RORA: variants seen among roughly 807,000 people sequenced by gnomAD.
RORA encodes the protein RAR related orphan receptor A, also known as nuclear receptor ROR-alpha.
RORA carries 7 observed loss-of-function variants against 69.5 expected under a neutral mutation model. The observed-to-expected ratio is 0.10, with a 90% confidence interval of 0.06 to 0.19. The LOEUF (loss-of-function observed/expected upper bound fraction) is 0.19. Ranked by LOEUF, RORA falls within the 10% of genes least tolerant of loss-of-function variation. The pLI is 1.00. For synonymous variants in RORA, 261 were observed against 240.8 expected (o/e 1.08, Z -0.78); for missense variants, 457 against 663.0 (o/e 0.69, Z 3.41).
At chr15:60,571,817 G>T (rs1429451665) in intron 2 of RORA, among the ~76,000 whole-genome samples, 1 of 152,102 alleles carries the variant, frequency 6.6e-6, no homozygotes, top group Non-Finnish European at 1.5e-5. Flanking sequence ...TTTCTTTCCT[G>T]CTGGGAAGTT....
intron 1 of RORA, among the ~76,000 whole-genome samples, chr15:60,739,475 T>G (rs1281137208): frequency 6.6e-6 from 1 of 151,648 alleles, no homozygotes; most frequent in Non-Finnish European, 1.5e-5. Flanking sequence ...AGGGGCTGAG[T>G]AGGGAAGATC....
chr15:61,075,143 G>C (rs1391237392), intron 1 of RORA, among the ~76,000 whole-genome samples: 1 of 151,878 alleles, frequency 6.6e-6, no homozygotes, highest in Non-Finnish European at 1.5e-5. Context: ...ATTCAGCATG[G>C]ACTACTACTA....
At chr15:60,716,978 G>A (rs2071229216) in intron 1 of RORA, among the ~76,000 whole-genome samples, 1 of 152,118 alleles carries the variant, frequency 6.6e-6, no homozygotes, top group South Asian at 2.1e-4. Flanking sequence ...CAAATTAATT[G>A]AACCCAAAGA....
chr15:60,531,944 T>C lies in RORA; in HGVS notation c.197-93A>G. On this transcript the variant is annotated intron_variant, in intron 2 of 10. Transcript: ENST00000335670. This position sits in a 1 kb window ranked among gnomAD's most constrained non-coding sequence, Gnocchi z 4.8. ...TCAGCATTTGTATAGTGAAAACTAA[T>C]AACCTGCTAAACATTATACTGCATT... 7 of 697,680 alleles carry C rather than the reference T, an allele frequency of 1.0e-5. No individual in the cohort carries two copies. Among genetic ancestry groups the C allele is most frequent in the East Asian group, 2.9e-5 (1 of 34,490 alleles). 43.2% of individuals were successfully genotyped at this position (697,680 alleles called of 1,614,324 possible). A position where few individuals can be genotyped will look rare whatever the true frequency, so the allele number is the denominator to read the frequency against.
At chr15:61,191,246 A>G (rs929988887) in intron 1 of RORA, among the ~76,000 whole-genome samples, 1 of 152,138 alleles carries the variant, frequency 6.6e-6, no homozygotes, top group Non-Finnish European at 1.5e-5. Context: ...AACACTACAC[A>G]TGAAGCCTCT....
intron 1 of RORA, among the ~76,000 whole-genome samples, chr15:60,969,117 T>C (rs950817178): frequency 6.6e-6 from 1 of 152,222 alleles, no homozygotes; most frequent in African/African-American, 2.4e-5. Context: ...AAGTGGCCCA[T>C]GGTTTCTGTG....
At chr15:60,766,829 C>T (rs868101610) in intron 1 of RORA, among the ~76,000 whole-genome samples, 1 of 152,022 alleles carries the variant, frequency 6.6e-6, no homozygotes, top group East Asian at 1.9e-4. Context: ...TTTTCCTCGC[C>T]CCTGGTGTCG....
chr15:60,807,420 C>A (rs901811999), intron 1 of RORA, among the ~76,000 whole-genome samples: 3 of 152,110 alleles, frequency 2.0e-5, no homozygotes, highest in Non-Finnish European at 4.4e-5. Context: ...TGAAAGAAAT[C>A]ATAGATGACA....
chr15:61,002,975 CAAAAAAA>C (rs59966691), intron 1 of RORA, among the ~76,000 whole-genome samples: 12 of 117,004 alleles, frequency 1.0e-4, no homozygotes, highest in Admixed American at 4.7e-4. Context: ...ACTAAAAATA[CAAAAAAA>C]AAAAAAAAAA....
rs1289473217 is a variant in RORA, at chr15:61,094,578, A to G, written c.166+134475T>C. On this transcript the variant is annotated intron_variant, in intron 1 of 10. Transcript: ENST00000335670. The stretch of plus-strand genomic sequence containing the variant: ...CTCAAACAAGATGTGGTAAGGTCCA[A>G]AAAATGCACCCAGCATGTCTTATGC... 2.6e-5 allele frequency among the ~76,000 whole-genome samples: 4 copies of G among 152,236 alleles called. No homozygotes were observed. The South Asian group carries it at 8.3e-4, about 32-fold the overall frequency.
In RORA at chr15:60,511,758, C is replaced by A; in HGVS notation, c.425-137G>T. 1.1e-6 allele frequency: 1 copy of A among 941,876 alleles called. No individual in the cohort carries two copies. The highest frequency in any genetic ancestry group is 1.5e-6 in the Non-Finnish European group (1 of 647,132). 58.3% of individuals were successfully genotyped at this position (941,876 alleles called of 1,614,324 possible). A position where few individuals can be genotyped will look rare whatever the true frequency, so the allele number is the denominator to read the frequency against. On this transcript the variant is annotated intron_variant, in intron 4 of 10. Coordinates refer to ENST00000335670, the MANE Select transcript of RORA (RefSeq NM_134261.3). This position sits in a 1 kb window ranked among gnomAD's most constrained non-coding sequence, Gnocchi z 6.4. ...CATGACCACAAAATAAGGACATATT[C>A]AGAGGTGAAAACAGTTCCAACCCAC...
chr15:60,623,672 C>T (rs533368023), intron 2 of RORA, among the ~76,000 whole-genome samples: 10 of 152,150 alleles, frequency 6.6e-5, no homozygotes, highest in African/African-American at 1.9e-4. Context: ...CTCTGGTTAC[C>T]GCTTTATGTG....
intron 3 of RORA, chr15:60,530,596 A>T (rs960848802): frequency 2.0e-5 from 3 of 152,246 alleles, no homozygotes; most frequent in Middle Eastern, 3.1e-3. Context: ...AAGCATCTGT[A>T]CATGTACAAA....
intron 1 of RORA, among the ~76,000 whole-genome samples, chr15:61,082,434 A>T (rs574249502): frequency 2.9e-4 from 44 of 152,358 alleles, no homozygotes; most frequent in African/African-American, 1.0e-3. Context: ...GATTGCAGTG[A>T]GCTGAGATCA....
intron 2 of RORA, among the ~76,000 whole-genome samples, chr15:60,648,176 T>A (rs937653026): frequency 6.6e-6 from 1 of 152,234 alleles, no homozygotes; most frequent in Non-Finnish European, 1.5e-5. Context: ...CCAAATATGA[T>A]CCTGAAGAAG....
rs2079356886 is a variant in RORA at position 61,147,105 on chromosome 15, T to G, written c.166+81948A>C. 6.6e-6 allele frequency among the ~76,000 whole-genome samples: 1 copy of G among 152,132 alleles called. No homozygotes were observed. Among genetic ancestry groups the G allele is most frequent in the African/African-American group, 2.4e-5 (1 of 41,410 alleles). ...GCACCAAGCGGGCCAGACATCACAA[T>G]AGGTTAGATTTTGGCAGATGCCTCA... On this transcript the variant is annotated intron_variant, in intron 1 of 10. Coordinates refer to ENST00000335670, the MANE Select transcript of RORA (RefSeq NM_134261.3). The surrounding 1 kb of genome is among the most constrained non-coding windows in gnomAD (Gnocchi z 4.1).
chr15:60,882,890 G>A (rs191709813), intron 1 of RORA, among the ~76,000 whole-genome samples: 11 of 152,152 alleles, frequency 7.2e-5, no homozygotes, highest in African/African-American at 2.4e-4. Flanking sequence ...TAGGGAGGCC[G>A]AAGTGGGAGA....
intron 1 of RORA, among the ~76,000 whole-genome samples, chr15:61,065,183 A>G (rs1220311570): frequency 6.6e-6 from 1 of 152,192 alleles, no homozygotes; most frequent in East Asian, 1.9e-4. Flanking sequence ...TAATAACATG[A>G]CATGCCCACA....
chr15:60,772,139 T>C (rs891352432), intron 1 of RORA, among the ~76,000 whole-genome samples: 1 of 152,178 alleles, frequency 6.6e-6, no homozygotes, highest in African/African-American at 2.4e-5. Flanking sequence ...ACATGTGCCA[T>C]GTTGGTTTGC....
Sources: allele counts gnomAD v4.1 joint callset (sites outside exome capture counted in the v4.1 genomes callset), GRCh38; gene constraint gnomAD v4.1.1; non-coding constraint Gnocchi (gnomAD v3.1); transcripts MANE v1.5; gene names NCBI Gene and HGNC (gene_info 2026-07-23, HGNC 2026-07-21).